MYT1L: variants seen among roughly 807,000 people sequenced by gnomAD.
MYT1L encodes myelin transcription factor 1 like.
In MYT1L, 12 loss-of-function variants were observed where a neutral mutation model predicts 126.7. The observed-to-expected ratio is 0.09, with a 90% CI of 0.06 to 0.15. The LOEUF (loss-of-function observed/expected upper bound fraction) is 0.15, where lower values mean the gene tolerates loss of function less well. Ranked by LOEUF, MYT1L falls within the 10% of genes least tolerant of loss-of-function variation. MYT1L has a pLI of 1.00. For missense variants in MYT1L, 979 were observed against 1,585.2 expected, an observed-to-expected ratio of 0.62 and a Z score of 6.49; for synonymous variants, 541 against 604.2, an observed-to-expected ratio of 0.90 and a Z score of 1.53.
intron 3 of MYT1L, among the ~76,000 whole-genome samples, chr2:2,141,961 G>A (rs2084047499): frequency 6.6e-6 from 1 of 152,208 alleles, no homozygotes; most frequent in Admixed American, 6.5e-5. Context: ...GTCCTCATCT[G>A]TTATTTTGAG....
At chr2:1,939,244 T>A (rs1337488342) in intron 9 of MYT1L, among the ~76,000 whole-genome samples, 1 of 152,208 alleles carries the variant, frequency 6.6e-6, no homozygotes, top group African/African-American at 2.4e-5. Flanking sequence ...TGTGCTTCTC[T>A]GTGTTAGAAA....
intron 4 of MYT1L, among the ~76,000 whole-genome samples, chr2:2,040,106 C>A (rs966211033): frequency 6.6e-6 from 1 of 152,110 alleles, no homozygotes; most frequent in Non-Finnish European, 1.5e-5. Context: ...TCACAGCTGG[C>A]GATATGTGTC....
At chr2:2,242,296 A>G (rs1268197798) in intron 2 of MYT1L, among the ~76,000 whole-genome samples, 1 of 152,202 alleles carries the variant, frequency 6.6e-6, no homozygotes, top group African/African-American at 2.4e-5. Flanking sequence ...CAAATGGAAA[A>G]ATGAGGAAAA....
intron 22 of MYT1L, among the ~76,000 whole-genome samples, chr2:1,804,794 T>C (rs1488591998): frequency 6.6e-6 from 1 of 152,220 alleles, no homozygotes; most frequent in Non-Finnish European, 1.5e-5. Flanking sequence ...CTCTCAGGAA[T>C]ATTAAGCGAA....
intron 9 of MYT1L, among the ~76,000 whole-genome samples, chr2:1,935,378 A>G (rs1245709759): frequency 1.3e-5 from 2 of 151,938 alleles, no homozygotes; most frequent in Non-Finnish European, 2.9e-5. Context: ...AATCTTTTAA[A>G]CTCTTGCAGC....
intron 18 of MYT1L, among the ~76,000 whole-genome samples, chr2:1,857,512 A>G (rs572368376): frequency 6.6e-6 from 1 of 152,286 alleles, no homozygotes; most frequent in East Asian, 1.9e-4. Flanking sequence ...TCTTCTAAGA[A>G]TTTCTCAGAA....
chr2:2,305,168 A>T (rs2095842763), intron 1 of MYT1L, among the ~76,000 whole-genome samples: 1 of 152,218 alleles, frequency 6.6e-6, no homozygotes, highest in Non-Finnish European at 1.5e-5. Context: ...CTTACATCAC[A>T]AATCTCTGCA....
At chr2:1,839,820 T>G (rs922685156) in intron 20 of MYT1L, among the ~76,000 whole-genome samples, 1 of 152,218 alleles carries the variant, frequency 6.6e-6, no homozygotes, top group African/African-American at 2.4e-5. Flanking sequence ...TAGAAGACAT[T>G]TATTTGTCTG....
rs946605175 is a variant in MYT1L, at chr2:1,922,075, T to C, written c.1483+211A>G. On this transcript the variant is annotated intron_variant, in intron 10 of 24. Transcript: ENST00000647738. The surrounding 1 kb of genome is among the most constrained non-coding windows in gnomAD (Gnocchi z 7.4). ...CTACTATTCATCTGCTCTAGTAATA[T>C]GATGTTAAGCTGCTTTATGTATTTC... 3.3e-5 allele frequency among the ~76,000 whole-genome samples: 5 copies of C among 152,226 alleles called. No individual in the cohort carries two copies. Among genetic ancestry groups the C allele is most frequent in the Non-Finnish European group, 7.3e-5 (5 of 68,034 alleles).
At position 1,851,637 on chromosome 2, in the gene MYT1L, A is replaced by G. The variant is rs999404734; in HGVS notation, c.2774+4T>C. ...TTGGAGAGAAGAGTAGCATCTCTACATACCTCCGATGAGAAGCATAATTGC... is the reference window on the plus strand; with the variant it reads ...TTGGAGAGAAGAGTAGCATCTCTACGTACCTCCGATGAGAAGCATAATTGC... On this transcript the variant is annotated splice_donor_region_variant and intron_variant, in intron 19 of 24. Coordinates refer to ENST00000647738, the MANE Select transcript of MYT1L (RefSeq NM_001303052.2). The G allele has an allele frequency of 2.5e-6, 4 of 1,612,904 alleles. No individual in the cohort carries two copies. Among genetic ancestry groups the G allele is most frequent in the Non-Finnish European group, 3.4e-6 (4 of 1,179,062 alleles).
In MYT1L at chr2:1,900,586, C is replaced by A. The variant is rs998065414; in HGVS notation, c.2032+2494G>T. Among the ~76,000 whole-genome samples the A allele has an allele frequency of 5.3e-5, 8 of 152,020 alleles. No individual in the cohort carries two copies. In the East Asian group the frequency reaches 5.8e-4, roughly 11 times the overall value. ...AGTGCTGGGATTACAGGCGTGAGCC[C>A]CCTCGCCCGGCCAGGAGGCTTTTAA... On this transcript the variant is annotated intron_variant, in intron 14 of 24. Transcript: ENST00000647738.
At chr2:2,100,330 A>C (rs2077913317) in intron 3 of MYT1L, among the ~76,000 whole-genome samples, 1 of 152,082 alleles carries the variant, frequency 6.6e-6, no homozygotes, top group South Asian at 2.1e-4. Context: ...TGGGAATCCT[A>C]TTGTCTTTTT....
At chr2:2,126,177 C>T (rs979322471) in intron 3 of MYT1L, among the ~76,000 whole-genome samples, 1 of 152,176 alleles carries the variant, frequency 6.6e-6, no homozygotes, top group African/African-American at 2.4e-5. Context: ...AAGTTGCTTA[C>T]ATGTCTTTCT....
intron 2 of MYT1L, among the ~76,000 whole-genome samples, chr2:2,277,188 T>C (rs955387945): frequency 3.3e-5 from 5 of 151,986 alleles, no homozygotes; most frequent in African/African-American, 1.2e-4. Context: ...GGGTTTATGT[T>C]CTCTATCTCC....
chr2:2,038,227 T>C (rs2067107821), intron 4 of MYT1L, among the ~76,000 whole-genome samples: 1 of 152,262 alleles, frequency 6.6e-6, no homozygotes, highest in Non-Finnish European at 1.5e-5. Context: ...TGCCCCTTTT[T>C]ATCACTATTA....
At chr2:2,319,436 A>T (rs1459154442) in intron 1 of MYT1L, 3 of 152,148 alleles carry the variant, frequency 2.0e-5, no homozygotes, top group African/African-American at 7.2e-5. Context: ...GGGACAGGGA[A>T]CGTGTACTTA....
At chr2:2,026,044 T>C (rs1376831624) in intron 4 of MYT1L, among the ~76,000 whole-genome samples, 3 of 152,240 alleles carry the variant, frequency 2.0e-5, no homozygotes, top group East Asian at 3.9e-4. Context: ...GTCCTGTTAT[T>C]GTTCATTTAA....
intron 23 of MYT1L, among the ~76,000 whole-genome samples, chr2:1,797,226 T>G (rs1244923644): frequency 6.6e-6 from 1 of 152,124 alleles, no homozygotes; most frequent in Non-Finnish European, 1.5e-5. Flanking sequence ...AAGCCTGCAT[T>G]AGAGACTGGG....
intron 3 of MYT1L, among the ~76,000 whole-genome samples, chr2:2,152,924 C>T (rs2086052372): frequency 6.6e-6 from 1 of 152,082 alleles, no homozygotes; most frequent in East Asian, 1.9e-4. Flanking sequence ...AAGCACACGG[C>T]CATCTACTGA....
Sources: gnomAD v4.1 joint callset for allele counts (sites outside exome capture counted in the v4.1 genomes callset) on GRCh38, gnomAD v4.1.1 for gene constraint, Gnocchi (gnomAD v3.1) non-coding constraint, MANE v1.5 for transcripts, NCBI Gene and HGNC (gene_info 2026-07-23, HGNC 2026-07-21) for gene names.